Variants in TIMM8A observed in about 807,000 individuals in gnomAD.
TIMM8A encodes mitochondrial import inner membrane translocase subunit Tim8 A.
In TIMM8A, 2 loss-of-function variants were observed where a neutral mutation model predicts 6.8. The observed-to-expected ratio is 0.30, with a 90% confidence interval of 0.12 to 0.93. The LOEUF (loss-of-function observed/expected upper bound fraction) is 0.93, where lower values mean the gene tolerates loss of function less well. Among genes scored for constraint, TIMM8A ranks in the 40% least tolerant of loss-of-function variants. The pLI, the probability that TIMM8A is intolerant of heterozygous loss-of-function variation, is 0.55. For missense variants in TIMM8A, 34 were observed against 75.2 expected, an observed-to-expected ratio of 0.45 and a Z score of 2.02; for synonymous variants, 26 against 28.5, an observed-to-expected ratio of 0.91 and a Z score of 0.28.
rs1168319805 is a variant in TIMM8A at position 101,345,960 on chromosome X, G to A, written c.*539C>T. ...CCTACCTTGAGACTTACTTAATATGGATATTTAAGCAAATCATCATATAGG... is the reference window on the plus strand; with the variant it reads ...CCTACCTTGAGACTTACTTAATATGAATATTTAAGCAAATCATCATATAGG... On this transcript the variant is annotated 3_prime_UTR_variant, in exon 2 of 2. Transcript: ENST00000372902. 5.2e-5 allele frequency: 39 copies of A among 745,277 alleles called. No individual in the cohort carries two copies. The highest frequency in any genetic ancestry group is 5.6e-5 in the Non-Finnish European group (36 of 638,249). The allele number at this position is 745,277 out of a possible 1,213,427, so 61.4% of individuals were successfully genotyped here. A position where few individuals can be genotyped will look rare whatever the true frequency, so the allele number is the denominator to read the frequency against.
Position 101,348,084 on chromosome X carries a change from C to G in TIMM8A, c.132+449G>C, listed in dbSNP as rs6652844. 1.6e-3 allele frequency: 1,631 copies of G among 1,009,761 alleles called. 19 individuals carry two copies. In the African/African-American group the frequency reaches 0.029, roughly 18 times the overall value. The allele number at this position is 1,009,761 out of a possible 1,213,427, so 83.2% of individuals were successfully genotyped here. A position where few individuals can be genotyped will look rare whatever the true frequency, so the allele number is the denominator to read the frequency against. ...ACTTTTATAGTTACTGGGCTGGAGC[C>G]ACTCATTTTTCAGCGGAGAGGGTTA... is the stretch of plus-strand genomic sequence containing the variant. On this transcript the variant is annotated intron_variant, in intron 1 of 1. Transcript: ENST00000372902.
intron 1 of TIMM8A, 52 bp downstream of exon 1, chrX:101,348,481 G>T: frequency 1.7e-6 from 2 of 1,202,088 alleles, no homozygotes; most frequent in Non-Finnish European, 2.2e-6. Flanking sequence ...CGCGGTACAA[G>T]GACAGAGGGA....
chrX:101,347,384 C>T (rs1926097856), intron 1 of TIMM8A: 1 of 109,774 alleles, frequency 9.1e-6, no homozygotes, highest in Non-Finnish European at 1.9e-5. Flanking sequence ...CCTCAGCTTC[C>T]TGAGTAGCTG....
In TIMM8A at chrX:101,346,079, A is replaced by C; in HGVS notation, c.*420T>G. 1.2e-6 allele frequency: 1 copy of C among 828,009 alleles called. No individual in the cohort carries two copies. The highest frequency in any genetic ancestry group is 1.5e-6 in the Non-Finnish European group (1 of 686,497). The allele number at this position is 828,009 out of a possible 1,213,427, so 68.2% of individuals were successfully genotyped here. Reference sequence around the variant, plus strand: ...CAATCAAACACTAGATAAGGATACCAAATTATTCTTCCCCTACTTCTGCCC... The same window carrying C: ...CAATCAAACACTAGATAAGGATACCCAATTATTCTTCCCCTACTTCTGCCC... On this transcript the variant is annotated 3_prime_UTR_variant, in exon 2 of 2. Transcript: ENST00000372902.
intron 1 of TIMM8A, chrX:101,347,939 T>C: frequency 1.5e-6 from 1 of 659,483 alleles, no homozygotes; most frequent in Non-Finnish European, 1.8e-6. Context: ...TCCACCCTTT[T>C]GCCAAAGTCC....
chrX:101,348,091 T>C, intron 1 of TIMM8A: 1 of 1,016,107 alleles, frequency 9.8e-7, no homozygotes, highest in Non-Finnish European at 1.2e-6. Flanking sequence ...AGCCACTCAT[T>C]TTTCAGCGGA....
chrX:101,348,633 C>T lies in TIMM8A; in HGVS notation c.32G>A (p.Gly11Asp), dbSNP rs1555976416. The T allele has an allele frequency of 8.3e-7, 1 of 1,211,735 alleles. No individual in the cohort carries two copies. Among genetic ancestry groups the T allele is most frequent in the East Asian group, 3.0e-5 (1 of 33,837 alleles). The change falls in exon 1 of 2, where the codon GGT becomes GAT. Residue 11 changes from glycine (G) to aspartate (D), a missense_variant. Transcript: ENST00000372902. Reference protein sequence around the residue: MDSSSSSSAAGLGAVDPQLQH... With the variant: MDSSSSSSAADLGAVDPQLQH... The stretch of plus-strand genomic sequence containing the variant: ...CAACTGCGGGTCCACTGCACCCAAA[C>T]CCGCCGCGGAGGAAGAGGAGGAGGA...
In TIMM8A at chrX:101,348,736, C is replaced by T. The variant is rs186138015; in HGVS notation, c.-72G>A. 1.9e-3 allele frequency: 2,280 copies of T among 1,189,852 alleles called. 26 individuals carry two copies. In the African/African-American group the frequency reaches 0.034, roughly 18 times the overall value. On this transcript the variant is annotated 5_prime_UTR_variant, in exon 1 of 2. Transcript: ENST00000372902. ...CGTGTCTCCGCGACGGAACCGGAAC[C>T]ACAGCTAGCTGCCTCTGGGACCGCC...
Position 101,346,591 on chromosome X carries a change from C to G in TIMM8A, c.202G>C (p.Glu68Gln). The change falls in exon 2 of 2, where the codon GAG becomes CAG. Residue 68 changes from glutamate to glutamine, a missense_variant. Coordinates refer to ENST00000372902, the MANE Select transcript of TIMM8A (RefSeq NM_004085.4). ...AACTGGCTTGTATCAATGAAGCGCTCAACGCAGTTCACAAAACAGGCCTCA... is the reference window on the plus strand; with the variant it reads ...AACTGGCTTGTATCAATGAAGCGCTGAACGCAGTTCACAAAACAGGCCTCA... Reference protein sequence around the residue: ...RAEACFVNCVERFIDTSQFIL... With the variant: ...RAEACFVNCVQRFIDTSQFIL... The G allele has an allele frequency of 8.3e-7, 1 of 1,211,764 alleles. No homozygotes were observed. Among genetic ancestry groups the G allele is most frequent in the Non-Finnish European group, 1.1e-6 (1 of 895,534 alleles).
At chrX:101,346,995 T>C (rs3027651) in intron 1 of TIMM8A, 61,104 of 200,756 alleles carry the variant, frequency 0.3, 10,583 homozygotes, top group African/African-American at 0.75. Flanking sequence ...TGGCAAAATA[T>C]AAGTGAAGTA....
chrX:101,348,707 T>G lies in TIMM8A; in HGVS notation c.-43A>C, dbSNP rs1926154592. The G allele has an allele frequency of 8.3e-7, 1 of 1,204,287 alleles. No individual in the cohort carries two copies. Among genetic ancestry groups the G allele is most frequent in the African/African-American group, 1.7e-5 (1 of 57,594 alleles). On this transcript the variant is annotated 5_prime_UTR_variant, in exon 1 of 2. Transcript: ENST00000372902. ...TGCAGAGACGAACTCCGCACCGACC[T>G]TCACGTGTCTCCGCGACGGAACCGG...
In TIMM8A at chrX:101,346,027, CTT is replaced by C. The variant is rs1303203720; in HGVS notation, c.*470_*471del. The C allele has an allele frequency of 1.2e-6, 1 of 805,158 alleles. No individual in the cohort carries two copies. The highest frequency in any genetic ancestry group is 1.5e-6 in the Non-Finnish European group (1 of 673,950). The allele number at this position is 805,158 out of a possible 1,213,427, so 66.4% of individuals were successfully genotyped here. A position where few individuals can be genotyped will look rare whatever the true frequency, so the allele number is the denominator to read the frequency against. On this transcript the variant is annotated 3_prime_UTR_variant, in exon 2 of 2. Transcript: ENST00000372902. ...AACTGAAGTGTACTGTATAAACACTCTTACAGATATTTTTCTCCAGCATTGAC... is the reference window on the plus strand; with the variant it reads ...AACTGAAGTGTACTGTATAAACACTCACAGATATTTTTCTCCAGCATTGAC...
Position 101,346,598 on chromosome X carries a change from G to A in TIMM8A, c.195C>T (p.Asn65=). The A allele has an allele frequency of 8.3e-7, 1 of 1,212,057 alleles. No individual in the cohort carries two copies. Among genetic ancestry groups the A allele is most frequent in the Non-Finnish European group, 1.1e-6 (1 of 895,603 alleles). ...TTGTATCAATGAAGCGCTCAACGCA[G>A]TTCACAAAACAGGCCTCAGCCCGAC... The part of the protein sequence containing the change: ...LDSRAEACFV[N]CVERFIDTSQ... Residue 65 remains asparagine, a synonymous_variant, in exon 2 of 2, where the codon AAC becomes AAT. Transcript: ENST00000372902.
intron 1 of TIMM8A, 176 bp downstream of exon 1, chrX:101,348,357 G>A: frequency 1.7e-6 from 2 of 1,170,005 alleles, no homozygotes; most frequent in Non-Finnish European, 2.3e-6. Context: ...ACAGTCCCCA[G>A]AGAAGCGGAG....
chrX:101,348,264 T>A, intron 1 of TIMM8A: 3 of 1,153,281 alleles, frequency 2.6e-6, no homozygotes, highest in Non-Finnish European at 2.3e-6. Flanking sequence ...CAACCTCGGG[T>A]GCCTGAAAGT....
chrX:101,346,808 T>C (rs1260540761), intron 1 of TIMM8A, 148 bp from the exon 2 acceptor site: 1 of 523,003 alleles, frequency 1.9e-6, no homozygotes, highest in Non-Finnish European at 3.1e-6. Flanking sequence ...ATTTGGCAGC[T>C]GACCAAGTAT....
chrX:101,348,125 G>A, intron 1 of TIMM8A: 1 of 1,063,145 alleles, frequency 9.4e-7, no homozygotes, highest in Non-Finnish European at 1.2e-6. Context: ...GGGTAATGAA[G>A]GTAAATCCCG....
Position 101,345,875 on chromosome X carries a change from T to C in TIMM8A, c.*624A>G. Reference sequence around the variant, plus strand: ...CCTTGTGGCAGTCTAGTAATAAGAATTATGTTCACTGGCTAGATTCCTTTA... The same window carrying C: ...CCTTGTGGCAGTCTAGTAATAAGAACTATGTTCACTGGCTAGATTCCTTTA... On this transcript the variant is annotated 3_prime_UTR_variant, in exon 2 of 2. Coordinates refer to ENST00000372902, the MANE Select transcript of TIMM8A (RefSeq NM_004085.4). 2.7e-6 allele frequency: 2 copies of C among 753,173 alleles called. No homozygotes were observed. Among genetic ancestry groups the C allele is most frequent in the Non-Finnish European group, 3.1e-6 (2 of 638,509 alleles). 62.1% of individuals were successfully genotyped at this position (753,173 alleles called of 1,213,427 possible).
intron 1 of TIMM8A, chrX:101,348,029 A>ATAAG: frequency 4.6e-6 from 4 of 865,663 alleles, no homozygotes; most frequent in Non-Finnish European, 5.6e-6. Flanking sequence ...AAGAAAGCAA[A>ATAAG]TAAGTATGTA....
Sources: gnomAD v4.1 joint callset for allele counts on GRCh38, gnomAD v4.1.1 for gene constraint, MANE v1.5 for transcripts, NCBI Gene and HGNC (gene_info 2026-07-23, HGNC 2026-07-21) for gene names.